Variants in PLPPR1 observed in about 807,000 individuals in gnomAD.
PLPPR1 encodes the protein phospholipid phosphatase related 1, also known as phospholipid phosphatase-related protein type 1.
Under a neutral mutation model 33.1 loss-of-function variants are expected in PLPPR1, and 10 were observed. That is an observed-to-expected ratio of 0.30 (90% CI 0.19 to 0.51). The LOEUF (loss-of-function observed/expected upper bound fraction) is 0.51. PLPPR1 is among the 20% of genes least tolerant of loss of function. The probability of loss-of-function intolerance (pLI) is 0.97; values close to 1 mark genes in which losing one functional copy is unlikely to be tolerated. For missense variants in PLPPR1, 304 were observed against 408.1 expected, an observed-to-expected ratio of 0.74 and a Z score of 2.20; for synonymous variants, 151 against 151.0, an observed-to-expected ratio of 1.00 and a Z score of 0.00.
intron 2 of PLPPR1, among the ~76,000 whole-genome samples, chr9:101,191,811 C>G (rs1826301273): frequency 6.6e-6 from 1 of 152,166 alleles, no homozygotes; most frequent in South Asian, 2.1e-4. Flanking sequence ...CTAATAGCAA[C>G]TCTAAGTGGA....
At chr9:101,283,163 A>G (rs115325048) in intron 3 of PLPPR1, among the ~76,000 whole-genome samples, 1,974 of 152,302 alleles carry the variant, frequency 0.013, 35 homozygotes, top group African/African-American at 0.045. Context: ...ACAGGATAGA[A>G]AAAACAATCC....
At chr9:101,175,129 G>T (rs1270549889) in intron 1 of PLPPR1, among the ~76,000 whole-genome samples, 2 of 152,058 alleles carry the variant, frequency 1.3e-5, no homozygotes, top group African/African-American at 4.8e-5. Flanking sequence ...GTTCCTTTTA[G>T]CTGAAATGCT....
intron 2 of PLPPR1, among the ~76,000 whole-genome samples, chr9:101,234,833 A>G (rs1195977357): frequency 6.6e-6 from 1 of 151,960 alleles, no homozygotes; most frequent in Non-Finnish European, 1.5e-5. Flanking sequence ...TTCTCCAAAT[A>G]GACTTAAATC....
intron 1 of PLPPR1, among the ~76,000 whole-genome samples, chr9:101,076,831 T>C (rs1830543962): frequency 6.6e-6 from 1 of 152,242 alleles, no homozygotes; most frequent in Non-Finnish European, 1.5e-5. Flanking sequence ...CCTCTGGATA[T>C]TTATTGAGTC....
At chr9:101,198,724 G>T (rs922169195) in intron 2 of PLPPR1, among the ~76,000 whole-genome samples, 2 of 152,154 alleles carry the variant, frequency 1.3e-5, no homozygotes, top group Non-Finnish European at 1.5e-5. Flanking sequence ...TGGTATTCAA[G>T]TGAAGGCATA....
At chr9:101,286,270 C>G in intron 4 of PLPPR1, 34 bp downstream of exon 4, 1 of 1,557,792 alleles carries the variant, frequency 6.4e-7, no homozygotes, top group South Asian at 1.2e-5. Flanking sequence ...TAAGCTCTCA[C>G]ATAAAAGTAA....
chr9:101,072,543 A>G (rs1830493166), intron 1 of PLPPR1, among the ~76,000 whole-genome samples: 1 of 152,150 alleles, frequency 6.6e-6, no homozygotes, highest in Non-Finnish European at 1.5e-5. Flanking sequence ...CTGTGCCACA[A>G]GTAATGAAGT....
At chr9:101,259,360 G>A (rs963155502) in intron 2 of PLPPR1, among the ~76,000 whole-genome samples, 1 of 152,132 alleles carries the variant, frequency 6.6e-6, no homozygotes, top group Admixed American at 6.6e-5. Context: ...CAGGACAAAG[G>A]CCAGTGTGTT....
chr9:101,084,362 G>A (rs1003786873), intron 1 of PLPPR1, among the ~76,000 whole-genome samples: 1 of 151,880 alleles, frequency 6.6e-6, no homozygotes, highest in African/African-American at 2.4e-5. Context: ...TTCCCTAAGA[G>A]TGAAAGCAGT....
intron 1 of PLPPR1, among the ~76,000 whole-genome samples, chr9:101,088,692 G>C (rs1830705995): frequency 6.6e-6 from 1 of 152,134 alleles, no homozygotes; most frequent in Non-Finnish European, 1.5e-5. Flanking sequence ...TGAGCAAAAA[G>C]ACATTTTTTT....
intron 3 of PLPPR1, among the ~76,000 whole-genome samples, chr9:101,275,028 T>C (rs1423295071): frequency 1.3e-5 from 2 of 152,232 alleles, no homozygotes; most frequent in Non-Finnish European, 2.9e-5. Flanking sequence ...TTTCTGGAGT[T>C]TGATTTTGCA....
At chr9:101,123,707 T>C (rs1362509753) in intron 1 of PLPPR1, among the ~76,000 whole-genome samples, 3 of 152,176 alleles carry the variant, frequency 2.0e-5, no homozygotes, top group Non-Finnish European at 4.4e-5. Flanking sequence ...CTACTTGAGA[T>C]AATGGAGAGC....
chr9:101,220,954 T>C (rs968904930), intron 2 of PLPPR1, among the ~76,000 whole-genome samples: 2 of 152,180 alleles, frequency 1.3e-5, no homozygotes, highest in Non-Finnish European at 2.9e-5. Context: ...GATGAAGAAA[T>C]GGATGCTGGG....
intron 4 of PLPPR1, among the ~76,000 whole-genome samples, chr9:101,298,893 G>A (rs992867996): frequency 3.3e-5 from 5 of 152,224 alleles, no homozygotes; most frequent in Non-Finnish European, 7.3e-5. Context: ...AGGAGAAGCT[G>A]TATACCATGA....
intron 2 of PLPPR1, among the ~76,000 whole-genome samples, chr9:101,238,349 G>A (rs373985319): frequency 6.8e-5 from 9 of 132,972 alleles, no homozygotes; most frequent in South Asian, 2.5e-4. Flanking sequence ...ATATATAGAG[G>A]TGTATATATA....
At chr9:101,238,735 G>A (rs1329434337) in intron 2 of PLPPR1, among the ~76,000 whole-genome samples, 1 of 151,740 alleles carries the variant, frequency 6.6e-6, no homozygotes, top group Non-Finnish European at 1.5e-5. Context: ...TCACCTCTGT[G>A]CAATATATTC....
chr9:101,200,847 G>A (rs1472704573), intron 2 of PLPPR1, among the ~76,000 whole-genome samples: 1 of 152,096 alleles, frequency 6.6e-6, no homozygotes, highest in African/African-American at 2.4e-5. Context: ...TCTTTTGATA[G>A]TAGATAAAAT....
intron 1 of PLPPR1, among the ~76,000 whole-genome samples, chr9:101,067,864 T>C (rs1367777047): frequency 6.6e-6 from 1 of 152,126 alleles, no homozygotes; most frequent in African/African-American, 2.4e-5. Context: ...ATGAGCTGTA[T>C]GACCTTGAGT....
intron 1 of PLPPR1, among the ~76,000 whole-genome samples, chr9:101,071,163 G>C (rs1830478448): frequency 6.6e-6 from 1 of 152,094 alleles, no homozygotes; most frequent in African/African-American, 2.4e-5. Context: ...GAGAGCAGTG[G>C]CTGAAGAAGA....
Sources: allele counts gnomAD v4.1 joint callset (sites outside exome capture counted in the v4.1 genomes callset), GRCh38; gene constraint gnomAD v4.1.1; transcripts MANE v1.5; gene names NCBI Gene and HGNC (gene_info 2026-07-23, HGNC 2026-07-21).